FBLN7: variants seen among roughly 807,000 people sequenced by gnomAD.
The protein encoded by FBLN7 is fibulin 7.
A neutral mutation model predicts 44.0 loss-of-function variants in FBLN7; 31 were observed. The ratio of observed to expected loss-of-function variants is 0.70; its 90% confidence interval spans 0.53 to 0.95. The LOEUF (loss-of-function observed/expected upper bound fraction) is 0.95, where lower values mean the gene tolerates loss of function less well. FBLN7 is among the 40% of genes least tolerant of loss of function. FBLN7 has a pLI of 0.00. For missense variants in FBLN7, 573 were observed against 618.5 expected, an observed-to-expected ratio of 0.93 and a Z score of 0.78; for synonymous variants, 262 against 253.4, an observed-to-expected ratio of 1.03 and a Z score of -0.32.
the FBLN7 span, among the ~76,000 whole-genome samples, chr2:112,240,984 T>TGC: frequency 0.022 from 2,970 of 132,368 alleles, 50 homozygotes; most frequent in Middle Eastern, 0.049. Context: ...TGTGTGTGTG[T>TGC]GCGCGTGTGT....
intron 3 of FBLN7, among the ~76,000 whole-genome samples, chr2:112,170,416 A>G (rs935584671): frequency 6.6e-6 from 1 of 150,912 alleles, no homozygotes; most frequent in Non-Finnish European, 1.5e-5. Context: ...AATCCCAGCT[A>G]CTCTGGAGGC....
chr2:112,156,729 C>T (rs1289805193), intron 1 of FBLN7, among the ~76,000 whole-genome samples: 1 of 152,212 alleles, frequency 6.6e-6, no homozygotes, highest in Admixed American at 6.5e-5. Context: ...CCTGGTCAGG[C>T]CCTGGGTATG....
At chr2:112,224,861 TGG>T in the FBLN7 span, among the ~76,000 whole-genome samples, 1 of 152,216 alleles carries the variant, frequency 6.6e-6, no homozygotes, top group African/African-American at 2.4e-5. Context: ...GGGAACATTC[TGG>T]GGTGATGGAA....
At chr2:112,199,025 A>G in the FBLN7 span, among the ~76,000 whole-genome samples, 1 of 152,192 alleles carries the variant, frequency 6.6e-6, no homozygotes, top group African/African-American at 2.4e-5. Flanking sequence ...CTGCATGCTA[A>G]TTAAAGCCAG....
chr2:112,196,374 CTTTTTTTTTTTTT>C, the FBLN7 span, among the ~76,000 whole-genome samples: 103 of 63,280 alleles, frequency 1.6e-3, no homozygotes, highest in South Asian at 3.5e-3. Context: ...TCTTCTTCTT[CTTTTTTTTTTTTT>C]TTTTTTTTTT....
At chr2:112,173,908 G>A (rs1024152732) in intron 3 of FBLN7, among the ~76,000 whole-genome samples, 1 of 152,244 alleles carries the variant, frequency 6.6e-6, no homozygotes, top group African/African-American at 2.4e-5. Context: ...ACACTGGGTG[G>A]ATCCAGAGAG....
chr2:112,169,007 C>T (rs1442925838), intron 3 of FBLN7, among the ~76,000 whole-genome samples: 3 of 152,162 alleles, frequency 2.0e-5, no homozygotes, highest in Non-Finnish European at 2.9e-5. Flanking sequence ...AGCGGTGGCT[C>T]ACGCCTGTAA....
chr2:112,213,952 T>TC, the FBLN7 span: 1 of 145,742 alleles, frequency 6.9e-6, no homozygotes, highest in African/African-American at 2.5e-5. Flanking sequence ...AAGAATTTTT[T>TC]TTTTTTTTTT....
chr2:112,147,349 G>T (rs1680943642), intron 1 of FBLN7, among the ~76,000 whole-genome samples: 1 of 151,976 alleles, frequency 6.6e-6, no homozygotes, highest in African/African-American at 2.4e-5. Flanking sequence ...GGACCACTCC[G>T]CATTTCTACA....
chr2:112,160,752 G>GCACACACGCACGCACACGCAGA (rs1303348496), intron 2 of FBLN7, among the ~76,000 whole-genome samples: 8 of 32,430 alleles, frequency 2.5e-4, no homozygotes, highest in African/African-American at 1.7e-3. Context: ...ACACGCGCAC[G>GCACACACGCACGCACACGCAGA]CACACACGCA....
chr2:112,166,506 GT>G, intron 3 of FBLN7, among the ~76,000 whole-genome samples: 1 of 152,324 alleles, frequency 6.6e-6, no homozygotes, highest in African/African-American at 2.4e-5. Context: ...CCTGGAAAGA[GT>G]GATGATGGTT....
At chr2:112,198,689 C>A in the FBLN7 span, among the ~76,000 whole-genome samples, 1 of 151,882 alleles carries the variant, frequency 6.6e-6, no homozygotes, top group Admixed American at 6.6e-5. Context: ...GTGTCTGCTA[C>A]CTTTCATCAT....
intron 1 of FBLN7, among the ~76,000 whole-genome samples, chr2:112,142,746 T>C (rs527372158): frequency 6.8e-6 from 1 of 146,666 alleles, no homozygotes; most frequent in Non-Finnish European, 1.5e-5. Context: ...GCAAGAGTAA[T>C]ATCATGAGCG....
intron 1 of FBLN7, among the ~76,000 whole-genome samples, chr2:112,147,508 A>T (rs1228101572): frequency 6.6e-6 from 1 of 152,156 alleles, no homozygotes; most frequent in East Asian, 1.9e-4. Context: ...CGTCTACACA[A>T]GCACAATTGT....
chr2:112,221,810 C>A, the FBLN7 span, among the ~76,000 whole-genome samples: 2 of 152,074 alleles, frequency 1.3e-5, no homozygotes, highest in Non-Finnish European at 2.9e-5. Context: ...TTGACTATCT[C>A]CTGTATGTCA....
At chr2:112,149,385 T>C (rs1403017736) in intron 1 of FBLN7, among the ~76,000 whole-genome samples, 1 of 152,230 alleles carries the variant, frequency 6.6e-6, no homozygotes, top group Non-Finnish European at 1.5e-5. Flanking sequence ...CTGCTCACCC[T>C]GGGGAATCCT....
the FBLN7 span, among the ~76,000 whole-genome samples, chr2:112,198,638 AAAAAG>A: frequency 4.5e-5 from 4 of 89,196 alleles, no homozygotes; most frequent in Non-Finnish European, 9.2e-5. Flanking sequence ...TGTCTCAAAA[AAAAAG>A]AAAGAAAGAA....
chr2:112,160,628 CTG>C (rs1296358719), intron 2 of FBLN7, among the ~76,000 whole-genome samples: 1 of 152,166 alleles, frequency 6.6e-6, no homozygotes, highest in Non-Finnish European at 1.5e-5. Flanking sequence ...TCCACACCCT[CTG>C]TGCGTGCACA....
chr2:112,238,420 T>C, the FBLN7 span: 1 of 1,613,736 alleles, frequency 6.2e-7, no homozygotes. Flanking sequence ...TTGGCAAAAT[T>C]ATCTTCTGAT....
Sources: allele counts gnomAD v4.1 joint callset (sites outside exome capture counted in the v4.1 genomes callset), GRCh38; gene constraint gnomAD v4.1.1; transcripts MANE v1.5; gene names NCBI Gene and HGNC (gene_info 2026-07-23, HGNC 2026-07-21).